IRF8: variants seen among roughly 807,000 people sequenced by gnomAD.
IRF8 encodes interferon regulatory factor 8.
Under a neutral mutation model 48.7 loss-of-function variants are expected in IRF8, and 14 were observed. That is an observed-to-expected ratio of 0.29 (90% CI 0.19 to 0.45). The LOEUF is 0.45. Ranked by LOEUF, IRF8 falls within the 20% of genes least tolerant of loss-of-function variation. IRF8 has a pLI of 1.00. For synonymous variants in IRF8, 278 were observed against 227.3 expected, an observed-to-expected ratio of 1.22 and a Z score of -2.01; for missense variants, 493 against 580.7, an observed-to-expected ratio of 0.85 and a Z score of 1.55.
chr16:85,919,455 G>A (rs1905457369), intron 7 of IRF8, among the ~76,000 whole-genome samples: 1 of 152,198 alleles, frequency 6.6e-6, no homozygotes, highest in Admixed American at 6.5e-5. Context: ...CCTGAGAACT[G>A]CCAGAGGAGG....
chr16:85,900,384 G>A (rs1424033331), intron 1 of IRF8, among the ~76,000 whole-genome samples: 1 of 152,214 alleles, frequency 6.6e-6, no homozygotes, highest in African/African-American at 2.4e-5. Context: ...ATAAACATGT[G>A]ATTAGACTTA....
chr16:85,903,226 G>C, intron 2 of IRF8, 37 bp downstream of exon 2: 2 of 1,572,352 alleles, frequency 1.3e-6, no homozygotes, highest in Non-Finnish European at 1.7e-6. Context: ...TGTGGGCACA[G>C]TGTCTCCTTT....
At chr16:85,918,369 C>A in intron 6 of IRF8, 48 bp from the exon 7 acceptor site, 1 of 1,578,200 alleles carries the variant, frequency 6.3e-7, no homozygotes, top group African/African-American at 1.3e-5. Context: ...CAGGAGGGAC[C>A]CTGTATGTCT....
rs780579711 is a variant in IRF8 at position 85,918,784 on chromosome 16, C to T, written c.969C>T (p.Asp323=). The T allele has an allele frequency of 2.1e-5, 34 of 1,609,820 alleles. No individual in the cohort carries two copies. In the East Asian group the frequency reaches 3.3e-4, roughly 16 times the overall value. The change falls in exon 7 of 9, where the codon GAC becomes GAT. Residue 323 remains aspartate, a synonymous_variant. Transcript: ENST00000268638. The part of the protein sequence containing the change: ...LERDEVVQVF[D]TSQFFRELQQ... ...GTGATGAGGTGGTCCAGGTCTTCGA[C>T]ACCAGCCAGTTCTTCCGAGGTCTGT...
intron 4 of IRF8, 47 bp downstream of exon 4, chr16:85,911,705 C>A: frequency 6.6e-7 from 1 of 1,516,746 alleles, no homozygotes; most frequent in South Asian, 1.1e-5. Flanking sequence ...CAGGAGGAGT[C>A]TCATGTCTTC....
At position 85,903,203 on chromosome 16, in the gene IRF8, C is replaced by G. The variant is rs1486129386; in HGVS notation, c.174+14C>G. The G allele has an allele frequency of 6.2e-7, 1 of 1,609,714 alleles. No individual in the cohort carries two copies. The highest frequency in any genetic ancestry group is 1.3e-5 in the African/African-American group (1 of 74,850). On this transcript the variant is annotated intron_variant, in intron 2 of 8. Coordinates refer to ENST00000268638, the MANE Select transcript of IRF8 (RefSeq NM_002163.4). ...TCCATTTTTAAGGTAAAGAGCCCAG[C>G]TCCCTTCCCCACTGTGGGCACAGTG...
intron 7 of IRF8, among the ~76,000 whole-genome samples, chr16:85,919,898 G>C (rs183128047): frequency 6.6e-6 from 1 of 152,232 alleles, no homozygotes; most frequent in South Asian, 2.1e-4. Context: ...GCGTTCAAAC[G>C]AGGCATTAAA....
Position 85,918,509 on chromosome 16 carries a change from A to G in IRF8, c.694A>G (p.Ser232Gly). The G allele has an allele frequency of 6.3e-7, 1 of 1,595,714 alleles. No individual in the cohort carries two copies. The highest frequency in any genetic ancestry group is 8.5e-7 in the Non-Finnish European group (1 of 1,175,610). ...TCPEGCRLSL[S>G]QPGLPGTKLY... ...CCCCGAGGGCTGCCGCCTGTCCCTGAGCCAGCCTGGGCTGCCCGGCACCAA... is the reference window on the plus strand; with the variant it reads ...CCCCGAGGGCTGCCGCCTGTCCCTGGGCCAGCCTGGGCTGCCCGGCACCAA... Residue 232 changes from serine to glycine, a missense_variant, in exon 7 of 9, where the codon AGC becomes GGC. By Grantham distance (56) the Ser-to-Gly change is moderately conservative. Coordinates refer to ENST00000268638, the MANE Select transcript of IRF8 (RefSeq NM_002163.4).
intron 1 of IRF8, chr16:85,901,217 T>C (rs1904817163): frequency 6.6e-6 from 1 of 152,164 alleles, no homozygotes; most frequent in Admixed American, 6.5e-5. Context: ...GAATTCTGGG[T>C]CTCTTGAGAT....
chr16:85,902,708 T>C (rs1904863060), intron 1 of IRF8: 1 of 419,728 alleles, frequency 2.4e-6, no homozygotes, highest in Non-Finnish European at 4.5e-6. Context: ...TGGTTGTATC[T>C]GCCTGAAAGG....
At chr16:85,914,841 T>A (rs1463145756) in intron 6 of IRF8, among the ~76,000 whole-genome samples, 1 of 151,928 alleles carries the variant, frequency 6.6e-6, no homozygotes, top group Non-Finnish European at 1.5e-5. Flanking sequence ...GGTGTGGAAG[T>A]CGAGGCCCCA....
chr16:85,915,844 A>G (rs115979009), intron 6 of IRF8, among the ~76,000 whole-genome samples: 101 of 152,338 alleles, frequency 6.6e-4, no homozygotes, highest in African/African-American at 2.3e-3. Context: ...TCCTTGAATT[A>G]GTCCAGCAGG....
At chr16:85,913,330 A>G (rs144166582) in intron 5 of IRF8, 94 bp downstream of exon 5, 13 of 871,990 alleles carry the variant, frequency 1.5e-5, no homozygotes, top group South Asian at 2.7e-5. Context: ...GGTTGTTGCT[A>G]TCATGATCCA....
chr16:85,915,117 G>GGAGCACTGGTCAC (rs34471810), intron 6 of IRF8, among the ~76,000 whole-genome samples: 1 of 151,952 alleles, frequency 6.6e-6, no homozygotes, highest in East Asian at 1.9e-4. Flanking sequence ...CGCGGGCTCA[G>GGAGCACTGGTCAC]GTAGCTTGTG....
Position 85,918,350 on chromosome 16 carries a change from G to C in IRF8, c.602-67G>C, listed in dbSNP as rs1300520796. 2.6e-6 allele frequency: 4 copies of C among 1,541,798 alleles called. No homozygotes were observed. In the East Asian group the frequency reaches 9.0e-5, roughly 35 times the overall value. ...CCCGTGTAGGTGTGAGACAGACTGT[G>C]CACTTGGGCAGGAGGGACCCTGTAT... is the stretch of plus-strand genomic sequence containing the variant. On this transcript the variant is annotated intron_variant, in intron 6 of 8. Coordinates refer to ENST00000268638, the MANE Select transcript of IRF8 (RefSeq NM_002163.4).
rs548507131 is a variant in IRF8, at chr16:85,921,561, T to C, written c.*279T>C. 1 of 449,488 alleles carries C rather than the reference T, an allele frequency of 2.2e-6. No homozygotes were observed. The highest frequency in any genetic ancestry group is 2.0e-5 in the African/African-American group (1 of 50,712). 27.8% of individuals were successfully genotyped at this position (449,488 alleles called of 1,614,324 possible). A position where few individuals can be genotyped will look rare whatever the true frequency, so the allele number is the denominator to read the frequency against. On this transcript the variant is annotated 3_prime_UTR_variant, in exon 9 of 9. Transcript: ENST00000268638. Reference sequence around the variant, plus strand: ...TACCCGTCATTATCATTAGTTGCTATGATTCTTTCTGCATTTTCGGTTAAC... The same window carrying C: ...TACCCGTCATTATCATTAGTTGCTACGATTCTTTCTGCATTTTCGGTTAAC...
At position 85,922,285 on chromosome 16, in the gene IRF8, T is replaced by C. The variant is rs374413112; in HGVS notation, c.*1003T>C. 1.3e-5 allele frequency: 2 copies of C among 152,374 alleles called. No homozygotes were observed. The highest frequency in any genetic ancestry group is 2.9e-5 in the Non-Finnish European group (2 of 68,048). The allele number at this position is 152,374 out of a possible 1,614,324, so 9.4% of individuals were successfully genotyped here. On this transcript the variant is annotated 3_prime_UTR_variant, in exon 9 of 9. Transcript: ENST00000268638. ...AAATCTGAAAAGCCAGATATGCCTG[T>C]TTCCTTTTCCCAGCACCATGCCTGT...
At chr16:85,914,379 C>A in intron 5 of IRF8, 94 bp from the exon 6 acceptor site, 7 of 1,484,000 alleles carry the variant, frequency 4.7e-6, no homozygotes, top group Non-Finnish European at 5.6e-6. Context: ...CATGTGCAGC[C>A]TTTTAAGGGA....
chr16:85,905,405 G>A (rs772742025), intron 2 of IRF8, among the ~76,000 whole-genome samples: 7 of 152,218 alleles, frequency 4.6e-5, no homozygotes, highest in Non-Finnish European at 7.3e-5. Context: ...CTTATGCAAT[G>A]TTCTTCATGG....
Sources: gnomAD v4.1 joint callset for allele counts (sites outside exome capture counted in the v4.1 genomes callset) on GRCh38, gnomAD v4.1.1 for gene constraint, MANE v1.5 for transcripts, NCBI Gene and HGNC (gene_info 2026-07-23, HGNC 2026-07-21) for gene names.